Variants in NDUFS4 observed in about 807,000 individuals in gnomAD.
NDUFS4 encodes the protein NADH:ubiquinone oxidoreductase subunit S4.
In NDUFS4, 28 loss-of-function variants were observed where a neutral mutation model predicts 24.3. The observed-to-expected ratio is 1.15, with a 90% CI of 0.85 to 1.58. The LOEUF (loss-of-function observed/expected upper bound fraction) is 1.58. Among genes scored for constraint, NDUFS4 ranks in the 40% most tolerant of loss-of-function variants. The probability of loss-of-function intolerance (pLI) is 0.00; values close to 1 mark genes in which losing one functional copy is unlikely to be tolerated. For synonymous variants in NDUFS4, 93 were observed against 69.7 expected (o/e 1.34, Z -1.67); for missense variants, 223 against 207.9 (o/e 1.07, Z -0.45).
At chr5:53,609,055 A>T (rs1366606547) in intron 2 of NDUFS4, among the ~76,000 whole-genome samples, 2 of 152,172 alleles carry the variant, frequency 1.3e-5, no homozygotes, top group Admixed American at 1.3e-4. Context: ...AGGTTCTCCC[A>T]GTTTAAGGTT....
intron 2 of NDUFS4, among the ~76,000 whole-genome samples, chr5:53,618,508 G>A (rs1053982355): frequency 6.6e-6 from 1 of 152,088 alleles, no homozygotes; most frequent in African/African-American, 2.4e-5. Flanking sequence ...CAGTGGTCCT[G>A]TGTTAGTCAT....
chr5:53,651,149 T>A (rs1752006242), intron 3 of NDUFS4, among the ~76,000 whole-genome samples: 1 of 152,102 alleles, frequency 6.6e-6, no homozygotes, highest in Non-Finnish European at 1.5e-5. Context: ...TTCTTTTTGT[T>A]CTGGTGTTAA....
At chr5:53,622,596 A>C (rs1399113547) in intron 2 of NDUFS4, among the ~76,000 whole-genome samples, 1 of 152,206 alleles carries the variant, frequency 6.6e-6, no homozygotes, top group African/African-American at 2.4e-5. Context: ...ATTTAGGATT[A>C]GGGACTCACT....
At chr5:53,616,410 GT>G (rs1311512825) in intron 2 of NDUFS4, among the ~76,000 whole-genome samples, 7 of 152,060 alleles carry the variant, frequency 4.6e-5, no homozygotes, top group Non-Finnish European at 1.0e-4. Flanking sequence ...AATAGCTGGG[GT>G]TTGGGTGGAA....
At chr5:53,646,878 A>G (rs1751881310) in intron 3 of NDUFS4, among the ~76,000 whole-genome samples, 1 of 152,172 alleles carries the variant, frequency 6.6e-6, no homozygotes, top group African/African-American at 2.4e-5. Flanking sequence ...TTTATAAGTT[A>G]ATCATAGGTC....
At chr5:53,577,552 A>C (rs1025795619) in intron 1 of NDUFS4, among the ~76,000 whole-genome samples, 1 of 151,888 alleles carries the variant, frequency 6.6e-6, no homozygotes, top group Non-Finnish European at 1.5e-5. Context: ...GCATTGAGGT[A>C]ATTACTTTAG....
At chr5:53,591,333 A>C (rs62371562) in intron 1 of NDUFS4, among the ~76,000 whole-genome samples, 2,475 of 151,920 alleles carry the variant, frequency 0.016, 36 homozygotes, top group Non-Finnish European at 0.023. Context: ...TTTATTTTAA[A>C]TATTTTGAGG....
intron 3 of NDUFS4, among the ~76,000 whole-genome samples, chr5:53,650,131 T>C (rs1751975787): frequency 6.6e-6 from 1 of 152,200 alleles, no homozygotes; most frequent in South Asian, 2.1e-4. Context: ...TTTTACATGT[T>C]CATCTATTCC....
At chr5:53,668,469 C>T (rs1302212555) in intron 4 of NDUFS4, among the ~76,000 whole-genome samples, 2 of 151,386 alleles carry the variant, frequency 1.3e-5, no homozygotes, top group African/African-American at 2.4e-5. Context: ...TGGAGGGGTT[C>T]GGGGCTGGAG....
intron 2 of NDUFS4, among the ~76,000 whole-genome samples, chr5:53,631,256 G>A (rs1751401357): frequency 6.6e-6 from 1 of 152,166 alleles, no homozygotes; most frequent in African/African-American, 2.4e-5. Context: ...TCCTCTGGAA[G>A]CTTCGTCCCA....
At chr5:53,674,167 A>G (rs1271951934) in intron 4 of NDUFS4, among the ~76,000 whole-genome samples, 2 of 152,206 alleles carry the variant, frequency 1.3e-5, no homozygotes, top group African/African-American at 4.8e-5. Context: ...ATTTTATGCT[A>G]AATTTGAAGA....
chr5:53,627,252 G>C (rs1236927316), intron 2 of NDUFS4, among the ~76,000 whole-genome samples: 1 of 152,058 alleles, frequency 6.6e-6, no homozygotes, highest in African/African-American at 2.4e-5. Context: ...ATCTGTTTTG[G>C]TACCAGTACC....
intron 1 of NDUFS4, among the ~76,000 whole-genome samples, chr5:53,585,896 G>A (rs1749737834): frequency 6.6e-6 from 1 of 151,784 alleles, no homozygotes; most frequent in Non-Finnish European, 1.5e-5. Flanking sequence ...CTTTTGTTTT[G>A]AAACTATTGG....
intron 4 of NDUFS4, among the ~76,000 whole-genome samples, chr5:53,668,285 C>T (rs1204561796): frequency 1.3e-5 from 2 of 152,118 alleles, no homozygotes; most frequent in Non-Finnish European, 1.5e-5. Context: ...AGGGACTATT[C>T]TGAAGATAAA....
At chr5:53,625,896 T>A (rs1008898171) in intron 2 of NDUFS4, among the ~76,000 whole-genome samples, 4 of 152,234 alleles carry the variant, frequency 2.6e-5, no homozygotes, top group Non-Finnish European at 5.9e-5. Flanking sequence ...ATGATTTTTT[T>A]AAAATTATAC....
intron 4 of NDUFS4, among the ~76,000 whole-genome samples, chr5:53,670,247 G>T (rs535151381): frequency 6.6e-6 from 1 of 151,684 alleles, no homozygotes; most frequent in Non-Finnish European, 1.5e-5. Context: ...TAACCTTCTA[G>T]ATTCCAAGTC....
rs556943457 is a variant in NDUFS4, at chr5:53,629,647, C to T, written c.178-16586C>T. On this transcript the variant is annotated intron_variant, in intron 2 of 4. Coordinates refer to ENST00000296684, the MANE Select transcript of NDUFS4 (RefSeq NM_002495.4). ...ACCATTATGTAATGCCCTTGTTTGTCTTTTTCGATCTTTGTTGGTTTAAAG... is the reference window on the plus strand; with the variant it reads ...ACCATTATGTAATGCCCTTGTTTGTTTTTTTCGATCTTTGTTGGTTTAAAG... 6.6e-4 allele frequency among the ~76,000 whole-genome samples: 100 copies of T among 152,198 alleles called. 1 individual carries two copies. The highest frequency in any genetic ancestry group is 2.4e-3 in the African/African-American group (98 of 41,530).
At chr5:53,571,789 G>T (rs1462397028) in intron 1 of NDUFS4, among the ~76,000 whole-genome samples, 3 of 152,074 alleles carry the variant, frequency 2.0e-5, no homozygotes. Context: ...AACTCATTGT[G>T]GTTTTAATAT....
intron 4 of NDUFS4, among the ~76,000 whole-genome samples, chr5:53,667,436 G>T (rs1752550889): frequency 6.7e-6 from 1 of 148,876 alleles, no homozygotes. Context: ...TTGCACTCCA[G>T]CCTGGGCAAC....
Sources: allele counts gnomAD v4.1 joint callset (sites outside exome capture counted in the v4.1 genomes callset), GRCh38; gene constraint gnomAD v4.1.1; transcripts MANE v1.5; gene names NCBI Gene and HGNC (gene_info 2026-07-23, HGNC 2026-07-21).